The following RSPH14 variants were observed in gnomAD, a reference collection of about 807,000 sequenced individuals.
RSPH14 encodes the protein rhabdoid tumor deletion region gene 1.
A neutral mutation model predicts 26.7 loss-of-function variants in RSPH14; 20 were observed. That is an observed-to-expected ratio of 0.75 (90% confidence interval 0.53 to 1.09). The LOEUF (loss-of-function observed/expected upper bound fraction) is 1.09, where lower values mean the gene tolerates loss of function less well. RSPH14 is among the 50% of genes least tolerant of loss of function. The probability of loss-of-function intolerance (pLI) is 0.00; values close to 1 mark genes in which losing one functional copy is unlikely to be tolerated. For missense variants in RSPH14, 449 were observed against 457.2 expected (o/e 0.98, Z 0.16); for synonymous variants, 177 against 189.3 (o/e 0.93, Z 0.53).
At chr22:23,159,028 C>T in the RSPH14 span, 1 of 1,595,342 alleles carries the variant, frequency 6.3e-7, no homozygotes, top group Non-Finnish European at 8.6e-7. Flanking sequence ...GAAAATGCCT[C>T]CCCTTACAGC....
At chr22:23,148,025 G>A (rs923035259), upstream of RSPH14, among the ~76,000 whole-genome samples, 4 of 152,026 alleles carry the variant, frequency 2.6e-5, no homozygotes, top group African/African-American at 9.7e-5. Flanking sequence ...CTGTGGCTTC[G>A]GACAGGTGCA....
intron 4 of RSPH14, among the ~76,000 whole-genome samples, chr22:23,075,293 G>C (rs2068481535): frequency 6.6e-6 from 1 of 152,146 alleles, no homozygotes; most frequent in Non-Finnish European, 1.5e-5. Flanking sequence ...CTTCACCTTG[G>C]CACCATGGCC....
intron 4 of RSPH14, among the ~76,000 whole-genome samples, chr22:23,106,023 C>A (rs2069462058): frequency 6.6e-6 from 1 of 152,164 alleles, no homozygotes. Context: ...CCTTTCGGAG[C>A]AAATGCTCCC....
At chr22:23,168,623 C>G in the RSPH14 span, among the ~76,000 whole-genome samples, 1 of 152,160 alleles carries the variant, frequency 6.6e-6, no homozygotes, top group Non-Finnish European at 1.5e-5. Flanking sequence ...TCAGCCTTCC[C>G]CTGAAGGAAA....
intron 4 of RSPH14, among the ~76,000 whole-genome samples, chr22:23,116,037 C>T (rs562982733): frequency 6.6e-6 from 1 of 152,378 alleles, no homozygotes; most frequent in East Asian, 1.9e-4. Context: ...GCTGGGGTCC[C>T]ACAGCAAACA....
At chr22:23,163,055 G>A in the RSPH14 span, 11 of 273,474 alleles carry the variant, frequency 4.0e-5, no homozygotes, top group East Asian at 8.6e-4. Context: ...GGGATTACAG[G>A]CATGCACCAC....
chr22:23,147,263 T>C (rs1405862935), upstream of RSPH14, among the ~76,000 whole-genome samples: 3 of 152,190 alleles, frequency 2.0e-5, no homozygotes, highest in East Asian at 5.8e-4. Context: ...ACAACCTCCA[T>C]AGGGGGCAGT....
At chr22:23,157,738 C>G in the RSPH14 span, among the ~76,000 whole-genome samples, 1 of 152,222 alleles carries the variant, frequency 6.6e-6, no homozygotes, top group South Asian at 2.1e-4. Flanking sequence ...CCCATGCGCT[C>G]GCTCCACGCC....
At chr22:23,118,829 T>G (rs1385391491) in intron 4 of RSPH14, among the ~76,000 whole-genome samples, 1 of 152,208 alleles carries the variant, frequency 6.6e-6, no homozygotes, top group East Asian at 1.9e-4. Flanking sequence ...GGACAATGTT[T>G]AACCCTGCCA....
At chr22:23,066,782 G>C (rs572982278) in intron 4 of RSPH14, among the ~76,000 whole-genome samples, 1 of 152,278 alleles carries the variant, frequency 6.6e-6, no homozygotes, top group East Asian at 1.9e-4. Context: ...GAAGAGGTAG[G>C]ACAGGTGGGG....
chr22:23,088,760 G>A (rs2068884548), intron 4 of RSPH14, among the ~76,000 whole-genome samples: 1 of 152,238 alleles, frequency 6.6e-6, no homozygotes, highest in Admixed American at 6.5e-5. Flanking sequence ...CAGGGTGTGT[G>A]GTAGGTATCT....
At chr22:23,166,699 C>A in the RSPH14 span, among the ~76,000 whole-genome samples, 1 of 152,140 alleles carries the variant, frequency 6.6e-6, no homozygotes, top group South Asian at 2.1e-4. Flanking sequence ...GCTAGTCTCA[C>A]AGTGCAGCCT....
At chr22:23,135,365 G>A (rs957673428) in intron 3 of RSPH14, among the ~76,000 whole-genome samples, 11 of 149,894 alleles carry the variant, frequency 7.3e-5, no homozygotes, top group African/African-American at 2.2e-4. Flanking sequence ...GGTGGCGGGC[G>A]CCTGTAGTCC....
chr22:23,139,020 A>G (rs139562671), intron 2 of RSPH14, 78 bp from the exon 3 acceptor site: 2 of 1,141,530 alleles, frequency 1.8e-6, no homozygotes, highest in Non-Finnish European at 2.5e-6. Context: ...CCAGAAGTCA[A>G]TAAGTGGGCC....
chr22:23,164,745 T>C, the RSPH14 span, among the ~76,000 whole-genome samples: 12,440 of 152,100 alleles, frequency 0.082, 1,726 homozygotes, highest in African/African-American at 0.28. Context: ...GACCCTTTCC[T>C]GCTCTCTGTC....
At chr22:23,095,005 A>C (rs1302372142) in intron 4 of RSPH14, among the ~76,000 whole-genome samples, 1 of 152,024 alleles carries the variant, frequency 6.6e-6, no homozygotes, top group Non-Finnish European at 1.5e-5. Context: ...CCTCGCACAC[A>C]CCCTCCTCTC....
At chr22:23,095,875 C>T (rs772792464) in intron 4 of RSPH14, 1 of 1,613,766 alleles carries the variant, frequency 6.2e-7, no homozygotes, top group East Asian at 2.2e-5. Context: ...ACAGCGGCGG[C>T]TTCAACCTGG....
At chr22:23,086,333 C>T (rs946354462) in intron 4 of RSPH14, among the ~76,000 whole-genome samples, 4 of 152,202 alleles carry the variant, frequency 2.6e-5, no homozygotes, top group Admixed American at 6.5e-5. Flanking sequence ...TTGATTTCTA[C>T]AGCCGTAAAG....
chr22:23,068,111 C>T (rs1174172496), intron 4 of RSPH14, among the ~76,000 whole-genome samples: 5 of 152,252 alleles, frequency 3.3e-5, no homozygotes, highest in East Asian at 1.9e-4. Context: ...GCATGGGCAA[C>T]GACCCTGGCC....
Sources: gnomAD v4.1 joint callset for allele counts (sites outside exome capture counted in the v4.1 genomes callset) on GRCh38, gnomAD v4.1.1 for gene constraint, MANE v1.5 for transcripts, NCBI Gene and HGNC (gene_info 2026-07-23, HGNC 2026-07-21) for gene names.